CDH6: variants seen among roughly 807,000 people sequenced by gnomAD.
CDH6 encodes the protein cadherin 6, also known as cadherin-6.
CDH6 carries 31 observed loss-of-function variants against 78.0 expected under a neutral mutation model. The observed-to-expected ratio is 0.40, with a 90% confidence interval of 0.30 to 0.54. CDH6 has a LOEUF of 0.54. Among genes scored for constraint, CDH6 ranks in the 20% least tolerant of loss-of-function variants. The pLI is 0.56. For missense variants in CDH6, 724 were observed against 975.9 expected (o/e 0.74, Z 3.44); for synonymous variants, 376 against 368.8 (o/e 1.02, Z -0.23).
intron 11 of CDH6, among the ~76,000 whole-genome samples, chr5:31,322,131 A>C (rs1738490801): frequency 6.6e-6 from 1 of 152,230 alleles, no homozygotes; most frequent in South Asian, 2.1e-4. Flanking sequence ...TATTTATTTC[A>C]TTTAGCTCAA....
At chr5:31,240,745 G>A (rs1194556668) in intron 1 of CDH6, among the ~76,000 whole-genome samples, 1 of 152,198 alleles carries the variant, frequency 6.6e-6, no homozygotes, top group African/African-American at 2.4e-5. Flanking sequence ...TGGCAGCGCA[G>A]AGTGAAAACT....
intron 6 of CDH6, among the ~76,000 whole-genome samples, chr5:31,302,942 A>AGAAAGAAAGAAAGAAAGAAAGAAG (rs1737855843): frequency 2.3e-5 from 3 of 130,928 alleles, no homozygotes; most frequent in African/African-American, 5.1e-5. Flanking sequence ...AAAGAAAGAA[A>AGAAAGAAAGAAAGAAAGAAAGAAG]GAAAGAAAGA....
At chr5:31,247,231 G>A (rs1741776780) in intron 1 of CDH6, among the ~76,000 whole-genome samples, 1 of 152,180 alleles carries the variant, frequency 6.6e-6, no homozygotes, top group Admixed American at 6.5e-5. Context: ...AAAATAGCTA[G>A]TAGGTATCTG....
chr5:31,275,850 A>G (rs567232374), intron 2 of CDH6, among the ~76,000 whole-genome samples: 4 of 152,330 alleles, frequency 2.6e-5, no homozygotes, highest in African/African-American at 7.2e-5. Context: ...CCAGAATTAT[A>G]CATTTAACTT....
At chr5:31,199,213 A>G (rs1021662528) in intron 1 of CDH6, among the ~76,000 whole-genome samples, 6 of 151,794 alleles carry the variant, frequency 4.0e-5, no homozygotes, top group African/African-American at 7.3e-5. Context: ...GTAAATATAT[A>G]TATATACACA....
At chr5:31,302,412 CTTA>C in intron 6 of CDH6, 114 bp downstream of exon 6, 1 of 860,258 alleles carries the variant, frequency 1.2e-6, no homozygotes, top group South Asian at 2.6e-5. Context: ...TTTTATTTTA[CTTA>C]TTATTTTCAG....
intron 1 of CDH6, among the ~76,000 whole-genome samples, chr5:31,244,550 T>A (rs1184009075): frequency 1.3e-5 from 2 of 151,852 alleles, no homozygotes; most frequent in Non-Finnish European, 2.9e-5. Context: ...AACTGGGGAC[T>A]GAGAGGGGCT....
At chr5:31,242,044 G>T (rs1002534474) in intron 1 of CDH6, among the ~76,000 whole-genome samples, 1 of 152,078 alleles carries the variant, frequency 6.6e-6, no homozygotes, top group Non-Finnish European at 1.5e-5. Context: ...ACAACACAGT[G>T]GCATAGTTTT....
intron 2 of CDH6, among the ~76,000 whole-genome samples, chr5:31,293,170 C>T (rs1737457767): frequency 6.6e-6 from 1 of 151,966 alleles, no homozygotes; most frequent in Non-Finnish European, 1.5e-5. Flanking sequence ...GAGCAGGGAA[C>T]TCACCACTCA....
rs1337390312 is a variant in CDH6, at chr5:31,326,771, A to C, written c.*3463A>C. 5 of 150,108 alleles carry C rather than the reference A, an allele frequency of 3.3e-5. No homozygotes were observed. Among genetic ancestry groups the C allele is most frequent in the African/African-American group, 1.3e-4 (5 of 37,596 alleles). The allele number at this position is 150,108 out of a possible 1,614,324, so 9.3% of individuals were successfully genotyped here. A position where few individuals can be genotyped will look rare whatever the true frequency, so the allele number is the denominator to read the frequency against. Reference sequence around the variant, plus strand: ...CAGTGGCGCGATCTCTGCTCACTACAAGCTCCGCCTCCCGGGTTCACGCCA... The same window carrying C: ...CAGTGGCGCGATCTCTGCTCACTACCAGCTCCGCCTCCCGGGTTCACGCCA... On this transcript the variant is annotated 3_prime_UTR_variant, in exon 12 of 12. Transcript: ENST00000265071.
chr5:31,264,155 T>C (rs1334041033), intron 1 of CDH6, among the ~76,000 whole-genome samples: 2 of 152,350 alleles, frequency 1.3e-5, no homozygotes, highest in East Asian at 1.9e-4. Flanking sequence ...TAAATTACTT[T>C]AGATTTTTCA....
chr5:31,218,968 C>A (rs533892824), intron 1 of CDH6, among the ~76,000 whole-genome samples: 2 of 152,236 alleles, frequency 1.3e-5, no homozygotes, highest in South Asian at 4.1e-4. Context: ...CTTGGCTGAA[C>A]CAAGGTGCCC....
rs1004194292 is a variant in CDH6, at chr5:31,323,549, G to A, written c.*241G>A. 10 of 490,206 alleles carry A rather than the reference G, an allele frequency of 2.0e-5. No individual in the cohort carries two copies. In the Admixed American group the frequency reaches 2.8e-4, roughly 14 times the overall value. 30.4% of individuals were successfully genotyped at this position (490,206 alleles called of 1,614,324 possible). A position where few individuals can be genotyped will look rare whatever the true frequency, so the allele number is the denominator to read the frequency against. ...CAAGTCAGCCCAACAGGCAGGTGCC[G>A]GAGGGGAGGACAGGGAACAGTATTT... On this transcript the variant is annotated 3_prime_UTR_variant, in exon 12 of 12. Coordinates refer to ENST00000265071, the MANE Select transcript of CDH6 (RefSeq NM_004932.4).
chr5:31,217,660 G>T (rs1400871101), intron 1 of CDH6, among the ~76,000 whole-genome samples: 2 of 152,096 alleles, frequency 1.3e-5, no homozygotes, highest in Non-Finnish European at 2.9e-5. Flanking sequence ...GAACTGAATG[G>T]TTAGGTGGCG....
chr5:31,233,032 A>C (rs1414361663), intron 1 of CDH6, among the ~76,000 whole-genome samples: 2 of 152,188 alleles, frequency 1.3e-5, no homozygotes, highest in African/African-American at 4.8e-5. Context: ...AAAGTTCACT[A>C]TATCATGCTG....
chr5:31,320,160 G>A (rs1242604916), intron 11 of CDH6, among the ~76,000 whole-genome samples: 1 of 152,164 alleles, frequency 6.6e-6, no homozygotes, highest in Non-Finnish European at 1.5e-5. Context: ...CATGTGCTTA[G>A]CAATCACATT....
At chr5:31,310,792 AT>A (rs1398606598) in intron 7 of CDH6, among the ~76,000 whole-genome samples, 1 of 152,186 alleles carries the variant, frequency 6.6e-6, no homozygotes, top group Non-Finnish European at 1.5e-5. Flanking sequence ...AGAATGGTGG[AT>A]CCACCAATAG....
intron 1 of CDH6, among the ~76,000 whole-genome samples, chr5:31,246,542 G>T (rs370104143): frequency 3.9e-5 from 6 of 152,258 alleles, no homozygotes; most frequent in African/African-American, 1.2e-4. Flanking sequence ...CGCAGCCCAG[G>T]TGGGCCACAC....
intron 1 of CDH6, among the ~76,000 whole-genome samples, chr5:31,200,614 C>T (rs570688789): frequency 6.7e-6 from 1 of 150,214 alleles, no homozygotes; most frequent in South Asian, 2.1e-4. Flanking sequence ...ACACCACTAC[C>T]ATGCCACCAG....
Sources: gnomAD v4.1 joint callset for allele counts (sites outside exome capture counted in the v4.1 genomes callset) on GRCh38, gnomAD v4.1.1 for gene constraint, MANE v1.5 for transcripts, NCBI Gene and HGNC (gene_info 2026-07-23, HGNC 2026-07-21) for gene names.